Variants in ZEB1 observed in about 807,000 individuals in gnomAD.
ZEB1 encodes the protein zinc finger E-box-binding homeobox 1.
ZEB1 carries 21 observed loss-of-function variants against 84.9 expected under a neutral mutation model. That is an observed-to-expected ratio of 0.25 (90% CI 0.18 to 0.36). ZEB1 has a LOEUF of 0.36. ZEB1 is among the 10% of genes least tolerant of loss of function. ZEB1 has a pLI of 1.00. For synonymous variants in ZEB1, 420 were observed against 471.1 expected (o/e 0.89, Z 1.41); for missense variants, 1,104 against 1,330.2 (o/e 0.83, Z 2.65).
intron 1 of ZEB1, among the ~76,000 whole-genome samples, chr10:31,350,640 G>A (rs2041169672): frequency 6.6e-6 from 1 of 152,090 alleles, no homozygotes; most frequent in African/African-American, 2.4e-5. Flanking sequence ...GAATTGACAT[G>A]TCTATAATTA....
At chr10:31,497,239 C>T (rs1004097565) in intron 3 of ZEB1, among the ~76,000 whole-genome samples, 1 of 152,106 alleles carries the variant, frequency 6.6e-6, no homozygotes, top group Admixed American at 6.6e-5. Context: ...CAGAAGACAA[C>T]TTGCCCTTCT....
At chr10:31,424,924 T>C (rs1450197605) in intron 1 of ZEB1, among the ~76,000 whole-genome samples, 1 of 152,070 alleles carries the variant, frequency 6.6e-6, no homozygotes. Context: ...ACAGTCAGTA[T>C]AGACAGAGTA....
At chr10:31,378,440 TAGA>T (rs1453706736) in intron 1 of ZEB1, among the ~76,000 whole-genome samples, 1 of 151,814 alleles carries the variant, frequency 6.6e-6, no homozygotes, top group Admixed American at 6.6e-5. Flanking sequence ...ATAGGCTTAG[TAGA>T]AGATTTAAGA....
chr10:31,413,807 G>T lies in ZEB1; in HGVS notation c.59-47230G>T, dbSNP rs553803096. On this transcript the variant is annotated intron_variant, in intron 1 of 8. Transcript: ENST00000424869. ...TAGTACAATTTAATTTTGTTTATAG[G>T]CTAAACATTTTTATAATTTCATAGC... Among the ~76,000 whole-genome samples the T allele has an allele frequency of 1.4e-4, 22 of 152,160 alleles. 1 individual carries two copies. The South Asian group carries it at 4.4e-3, about 30-fold the overall frequency.
intron 1 of ZEB1, among the ~76,000 whole-genome samples, chr10:31,335,154 G>A (rs940047259): frequency 6.6e-6 from 1 of 152,022 alleles, no homozygotes; most frequent in African/African-American, 2.4e-5. Flanking sequence ...ATCACAGTCC[G>A]AAAATATTAA....
intron 1 of ZEB1, among the ~76,000 whole-genome samples, chr10:31,399,144 G>C (rs914631943): frequency 2.0e-5 from 3 of 151,990 alleles, no homozygotes; most frequent in Non-Finnish European, 2.9e-5. Context: ...ACAGGCGTGT[G>C]CCAGCACACC....
At chr10:31,473,254 A>G (rs2063543116) in intron 2 of ZEB1, among the ~76,000 whole-genome samples, 1 of 150,000 alleles carries the variant, frequency 6.7e-6, no homozygotes, top group East Asian at 2.0e-4. Context: ...AATTAGGAAA[A>G]GAGGAAGTCA....
intron 3 of ZEB1, among the ~76,000 whole-genome samples, chr10:31,499,869 T>A (rs914097537): frequency 1.3e-5 from 2 of 152,110 alleles, no homozygotes; most frequent in Non-Finnish European, 2.9e-5. Context: ...ATTATGTAGA[T>A]CGAATCTAAT....
chr10:31,321,297 C>G, intron 1 of ZEB1: 1 of 1,388,768 alleles, frequency 7.2e-7, no homozygotes, highest in Non-Finnish European at 9.4e-7. Flanking sequence ...TATATTCGAG[C>G]CATCATTAAA....
chr10:31,493,523 G>GA (rs917884790), intron 2 of ZEB1, among the ~76,000 whole-genome samples: 14 of 151,740 alleles, frequency 9.2e-5, no homozygotes, highest in Admixed American at 3.3e-4. Context: ...CGTCTTACAG[G>GA]AAAAAAATAT....
chr10:31,385,985 AATAC>A (rs1197968815), intron 1 of ZEB1, among the ~76,000 whole-genome samples: 2 of 152,174 alleles, frequency 1.3e-5, no homozygotes, highest in Non-Finnish European at 2.9e-5. Flanking sequence ...TACATACGAA[AATAC>A]ATAAGGAAAT....
chr10:31,509,769 AAG>A lies in ZEB1; in HGVS notation c.485-902_485-901del, dbSNP rs2069639421. Among the ~76,000 whole-genome samples, 3 of 152,324 alleles carry A rather than the reference AAG, an allele frequency of 2.0e-5. No homozygotes were observed. The South Asian group carries it at 6.2e-4, about 32-fold the overall frequency. The stretch of plus-strand genomic sequence containing the variant: ...TGAAAATAGAGATGATGTTTACAAA[AAG>A]ATATCACTTAATTTATTTCATTGAA... On this transcript the variant is annotated intron_variant, in intron 4 of 8. Transcript: ENST00000424869.
In ZEB1 at chr10:31,495,804, G is replaced by A. The variant is rs753228678; in HGVS notation, c.288G>A (p.Gly96=). The change falls in exon 3 of 9, where the codon GGG becomes GGA. Residue 96 remains glycine, a synonymous_variant. Transcript: ENST00000424869. The part of the protein sequence containing the change: ...DTGKEGQEIL[G]PEAQADEAGC... Reference sequence around the variant, plus strand: ...GAAAGGAAGGGCAAGAAATCCTGGGGCCTGAAGCTCAGGCAGATGAAGCAG... The same window carrying A: ...GAAAGGAAGGGCAAGAAATCCTGGGACCTGAAGCTCAGGCAGATGAAGCAG... The A allele has an allele frequency of 1.9e-6, 3 of 1,612,802 alleles. No homozygotes were observed. The highest frequency in any genetic ancestry group is 2.7e-5 in the African/African-American group (2 of 74,810).
At chr10:31,391,282 C>G (rs1370338820) in intron 1 of ZEB1, among the ~76,000 whole-genome samples, 1 of 119,938 alleles carries the variant, frequency 8.3e-6, no homozygotes, top group Non-Finnish European at 1.7e-5. Flanking sequence ...TGTGTGAGAT[C>G]CAATAATTAT....
intron 4 of ZEB1, 121 bp downstream of exon 4, chr10:31,502,630 G>T: frequency 8.3e-7 from 1 of 1,203,948 alleles, no homozygotes; most frequent in South Asian, 1.3e-5. Flanking sequence ...TTTATTACAG[G>T]TGCCTATAGA....
chr10:31,495,834 T>C lies in ZEB1; in HGVS notation c.318T>C (p.Cys106=), dbSNP rs2067145574. 1.9e-6 allele frequency: 3 copies of C among 1,612,854 alleles called. No individual in the cohort carries two copies. Among genetic ancestry groups the C allele is most frequent in the Non-Finnish European group, 1.7e-6 (2 of 1,179,136 alleles). ...GPEAQADEAG[C]TVKDDECESD... is the part of the protein sequence containing the mutation. ...AAGCTCAGGCAGATGAAGCAGGATG[T>C]ACAGGTACTCTGCTGCGACTTTCTT... The change falls in exon 3 of 9, where the codon TGT becomes TGC. Residue 106 remains cysteine, a synonymous_variant. Transcript: ENST00000424869.
At chr10:31,410,451 T>G (rs2054025027) in intron 1 of ZEB1, among the ~76,000 whole-genome samples, 1 of 152,204 alleles carries the variant, frequency 6.6e-6, no homozygotes, top group Admixed American at 6.5e-5. Flanking sequence ...TCAGGGATAT[T>G]GGCCTGAAAT....
chr10:31,491,774 T>C (rs2066570062), intron 2 of ZEB1, among the ~76,000 whole-genome samples: 1 of 151,926 alleles, frequency 6.6e-6, no homozygotes, highest in Non-Finnish European at 1.5e-5. Context: ...ACCTCAGGTA[T>C]ATATTTTTAA....
In ZEB1 at chr10:31,459,464, T is replaced by C. The variant is rs893058552; in HGVS notation, c.59-1573T>C. On this transcript the variant is annotated intron_variant, in intron 1 of 8. Coordinates refer to ENST00000424869, the MANE Select transcript of ZEB1 (RefSeq NM_001174096.2). ...TAAAATTTGCCATTATTTTTATCTT[T>C]ATGGAGTGGATTGAGGAAGGAAAAA... 4.7e-4 allele frequency among the ~76,000 whole-genome samples: 71 copies of C among 152,122 alleles called. 2 individuals are homozygous for C. Among genetic ancestry groups the C allele is most frequent in the Admixed American group, 4.6e-3 (70 of 15,260 alleles).
Sources: allele counts gnomAD v4.1 joint callset (sites outside exome capture counted in the v4.1 genomes callset), GRCh38; gene constraint gnomAD v4.1.1; transcripts MANE v1.5; gene names NCBI Gene and HGNC (gene_info 2026-07-23, HGNC 2026-07-21).